Variants in CRISP2 observed in about 807,000 individuals in gnomAD.
The protein encoded by CRISP2 is cysteine rich secretory protein 2, also known as cysteine-rich secretory protein 2.
CRISP2 carries 29 observed loss-of-function variants against 31.7 expected under a neutral mutation model. The ratio of observed to expected loss-of-function variants is 0.92; its 90% CI spans 0.68 to 1.25. CRISP2 has a LOEUF of 1.25. Among genes scored for constraint, CRISP2 ranks in the 50% most tolerant of loss-of-function variants. The probability of loss-of-function intolerance (pLI) is 0.00; values close to 1 mark genes in which losing one functional copy is unlikely to be tolerated. For synonymous variants in CRISP2, 111 were observed against 101.4 expected, an observed-to-expected ratio of 1.09 and a Z score of -0.57; for missense variants, 318 against 286.5, an observed-to-expected ratio of 1.11 and a Z score of -0.79.
chr6:49,704,020 C>G (rs1014585219), intron 4 of CRISP2, among the ~76,000 whole-genome samples: 1 of 152,060 alleles, frequency 6.6e-6, no homozygotes, highest in Non-Finnish European at 1.5e-5. Context: ...TTAATGTAAT[C>G]CCAAACTTCT....
Position 49,692,587 on chromosome 6 carries a change from A to C in CRISP2, c.*186T>G. 1.9e-6 allele frequency: 1 copy of C among 517,636 alleles called. No homozygotes were observed. Among genetic ancestry groups the C allele is most frequent in the Non-Finnish European group, 3.4e-6 (1 of 296,332 alleles). 32.1% of individuals were successfully genotyped at this position (517,636 alleles called of 1,614,324 possible). ...ATTTATGTCAGAGTTCACAGTTGTC[A>C]TCATCTACTATGCTACTTTTGTAAA... On this transcript the variant is annotated 3_prime_UTR_variant, in exon 10 of 10. Transcript: ENST00000339139.
At chr6:49,695,569 AT>A (rs1274249443) in intron 9 of CRISP2, among the ~76,000 whole-genome samples, 1 of 152,216 alleles carries the variant, frequency 6.6e-6, no homozygotes. Context: ...TATGGTTAAT[AT>A]TAAATGGCTC....
intron 9 of CRISP2, among the ~76,000 whole-genome samples, chr6:49,693,675 C>A (rs1328293567): frequency 1.3e-5 from 2 of 152,146 alleles, no homozygotes; most frequent in Admixed American, 6.5e-5. Flanking sequence ...TTTCATATAG[C>A]CTGTCTTCAA....
rs1212494934 is a variant in CRISP2, at chr6:49,709,201, G to A, written c.-5C>T. On this transcript the variant is annotated 5_prime_UTR_variant, in exon 4 of 10. Transcript: ENST00000339139. ...CAACACCGGTAGTAAAGCCATTGCT[G>A]GAAACTAAGTCAAGAAAAACAAAGG... 1 of 1,613,048 alleles carries A rather than the reference G, an allele frequency of 6.2e-7. No individual in the cohort carries two copies. The highest frequency in any genetic ancestry group is 8.5e-7 in the Non-Finnish European group (1 of 1,179,708).
chr6:49,700,123 T>C (rs113609095), intron 5 of CRISP2, among the ~76,000 whole-genome samples: 1,770 of 152,270 alleles, frequency 0.012, 36 homozygotes, highest in African/African-American at 0.041. Flanking sequence ...TGTGATTATT[T>C]ATGATAGCAA....
chr6:49,699,783 A>G (rs780882221), intron 6 of CRISP2, 21 bp downstream of exon 6: 8 of 1,508,022 alleles, frequency 5.3e-6, no homozygotes, highest in South Asian at 1.1e-5. Flanking sequence ...TTATTCAACA[A>G]ATATTTACTA....
the CRISP2 span, among the ~76,000 whole-genome samples, chr6:49,683,917 T>C: frequency 3.3e-5 from 5 of 151,590 alleles, no homozygotes; most frequent in Non-Finnish European, 7.4e-5. Context: ...TTTGAATATA[T>C]TTTTCATTCA....
the CRISP2 span, among the ~76,000 whole-genome samples, chr6:49,686,078 AT>A: frequency 6.6e-6 from 1 of 152,238 alleles, no homozygotes; most frequent in Admixed American, 6.5e-5. Context: ...GTGAAGCCAT[AT>A]ATTTTTTGTA....
chr6:49,682,327 T>C, the CRISP2 span, among the ~76,000 whole-genome samples: 18 of 152,196 alleles, frequency 1.2e-4, no homozygotes, highest in Admixed American at 1.2e-3. Flanking sequence ...CCTCCTTATA[T>C]ATTCAACTGT....
chr6:49,700,607 C>A lies in CRISP2; in HGVS notation c.183+61G>T, dbSNP rs538229036. 6 of 978,556 alleles carry A rather than the reference C, an allele frequency of 6.1e-6. No individual in the cohort carries two copies. In the East Asian group the frequency reaches 1.5e-4, roughly 24 times the overall value. The allele number at this position is 978,556 out of a possible 1,614,324, so 60.6% of individuals were successfully genotyped here. A position where few individuals can be genotyped will look rare whatever the true frequency, so the allele number is the denominator to read the frequency against. On this transcript the variant is annotated intron_variant, in intron 5 of 9. Coordinates refer to ENST00000339139, the MANE Select transcript of CRISP2 (RefSeq NM_003296.4). ...CAAAGTTCTTAAGAGATGCCAGTGG[C>A]CAGCCGTCGGCTCCTTCCACAGCTG... is the stretch of plus-strand genomic sequence containing the variant.
At chr6:49,704,193 C>T (rs1766594622) in intron 4 of CRISP2, among the ~76,000 whole-genome samples, 1 of 151,960 alleles carries the variant, frequency 6.6e-6, no homozygotes, top group African/African-American at 2.4e-5. Flanking sequence ...TGTCTCATTT[C>T]CAGGAGTTGT....
downstream of CRISP2, among the ~76,000 whole-genome samples, chr6:49,690,324 A>G (rs1241005298): frequency 6.6e-6 from 1 of 152,138 alleles, no homozygotes; most frequent in Admixed American, 6.6e-5. Context: ...GCACGTTTTC[A>G]TGAAAGAAAC....
At chr6:49,696,635 C>G (rs1482972229) in intron 8 of CRISP2, among the ~76,000 whole-genome samples, 1 of 150,722 alleles carries the variant, frequency 6.6e-6, no homozygotes, top group African/African-American at 2.4e-5. Context: ...TTGATAAATA[C>G]TGATATCCAG....
the CRISP2 span, among the ~76,000 whole-genome samples, chr6:49,678,547 C>G: frequency 6.6e-6 from 1 of 151,924 alleles, no homozygotes; most frequent in African/African-American, 2.4e-5. Context: ...TTAACTAGTT[C>G]CCCCCGACTC....
At chr6:49,691,996 C>A (rs1036120275), downstream of CRISP2, among the ~76,000 whole-genome samples, 4 of 151,896 alleles carry the variant, frequency 2.6e-5, no homozygotes, top group African/African-American at 9.7e-5. Flanking sequence ...CTGTCGTTAC[C>A]AACCTAATAT....
At chr6:49,686,461 C>T in the CRISP2 span, among the ~76,000 whole-genome samples, 1 of 152,156 alleles carries the variant, frequency 6.6e-6, no homozygotes, top group African/African-American at 2.4e-5. Flanking sequence ...ATTTCCCTCT[C>T]TGGTTTCAAA....
chr6:49,697,553 G>C, intron 8 of CRISP2: 1 of 447,276 alleles, frequency 2.2e-6, no homozygotes, highest in South Asian at 2.0e-5. Context: ...AAGATGTGAT[G>C]ATACCAATTC....
At chr6:49,681,945 A>G in the CRISP2 span, among the ~76,000 whole-genome samples, 23 of 152,204 alleles carry the variant, frequency 1.5e-4, no homozygotes, top group African/African-American at 5.5e-4. Context: ...AATGTTTTTT[A>G]ATATCCCCCA....
chr6:49,693,377 G>A (rs765003666), intron 9 of CRISP2, among the ~76,000 whole-genome samples: 2 of 152,142 alleles, frequency 1.3e-5, no homozygotes, highest in South Asian at 4.1e-4. Flanking sequence ...AGCACATGTT[G>A]ATAGAGACTC....
Sources: allele counts gnomAD v4.1 joint callset (sites outside exome capture counted in the v4.1 genomes callset), GRCh38; gene constraint gnomAD v4.1.1; transcripts MANE v1.5; gene names NCBI Gene and HGNC (gene_info 2026-07-23, HGNC 2026-07-21).